The following CFH variants were observed in gnomAD, a reference collection of about 807,000 sequenced individuals.
CFH encodes the protein complement factor H.
Under a neutral mutation model 147.3 loss-of-function variants are expected in CFH, and 53 were observed. That is an observed-to-expected ratio of 0.36 (90% CI 0.29 to 0.45). The LOEUF (loss-of-function observed/expected upper bound fraction) is 0.45, where lower values mean the gene tolerates loss of function less well. CFH is among the 20% of genes least tolerant of loss of function. The probability of loss-of-function intolerance (pLI) is 1.00; values close to 1 mark genes in which losing one functional copy is unlikely to be tolerated. For missense variants in CFH, 1,380 were observed against 1,498.0 expected (o/e 0.92, Z 1.30); for synonymous variants, 536 against 489.4 (o/e 1.10, Z -1.26).
intron 19 of CFH, among the ~76,000 whole-genome samples, chr1:196,742,336 A>G (rs959387915): frequency 5.9e-5 from 9 of 152,220 alleles, no homozygotes; most frequent in Non-Finnish European, 1.3e-4. Context: ...AGATCGTGCC[A>G]CTGCACTCCA....
intron 11 of CFH, among the ~76,000 whole-genome samples, chr1:196,720,787 G>A (rs1668979668): frequency 6.6e-6 from 1 of 151,744 alleles, no homozygotes; most frequent in South Asian, 2.1e-4. Context: ...GTATCATTTT[G>A]ATATGATAAT....
intron 10 of CFH, among the ~76,000 whole-genome samples, chr1:196,714,763 T>C (rs920737493): frequency 1.4e-5 from 2 of 142,608 alleles, no homozygotes; most frequent in Non-Finnish European, 3.0e-5. Context: ...TGCAGTGGCA[T>C]GATCTTGGCT....
At chr1:196,673,666 C>A (rs1478765687) in intron 2 of CFH, among the ~76,000 whole-genome samples, 191 bp from the exon 3 acceptor site, 1 of 152,032 alleles carries the variant, frequency 6.6e-6, no homozygotes, top group Non-Finnish European at 1.5e-5. Context: ...AAGGGGTGGT[C>A]ATCCTCCAAA....
intron 4 of CFH, 85 bp from the exon 5 acceptor site, chr1:196,677,391 C>A: frequency 1.6e-6 from 2 of 1,235,826 alleles, no homozygotes; most frequent in Non-Finnish European, 2.4e-6. Flanking sequence ...CCAATCTTAT[C>A]CTGAGGATGA....
At chr1:196,694,521 G>T (rs879191385) in intron 9 of CFH, among the ~76,000 whole-genome samples, 2 of 152,196 alleles carry the variant, frequency 1.3e-5, no homozygotes, top group East Asian at 3.9e-4. Flanking sequence ...TATATACCCA[G>T]TAATGGGATT....
Position 196,728,214 on chromosome 1 carries a change from G to A in CFH, c.2237-132G>A, listed in dbSNP as rs543703511. 4.5e-5 allele frequency: 29 copies of A among 640,122 alleles called. No homozygotes were observed. In the South Asian group the frequency reaches 6.9e-4, roughly 15 times the overall value. The allele number at this position is 640,122 out of a possible 1,614,324, so 39.7% of individuals were successfully genotyped here. On this transcript the variant is annotated intron_variant, in intron 14 of 21. Coordinates refer to ENST00000367429, the MANE Select transcript of CFH (RefSeq NM_000186.4). ...GATGCAATGTGATCAGGAATAACTT[G>A]GTTGGTGAAATTTATAATGATTAAG...
chr1:196,715,868 T>C, intron 11 of CFH, 99 bp downstream of exon 11: 1 of 992,234 alleles, frequency 1.0e-6, no homozygotes, highest in South Asian at 1.7e-5. Flanking sequence ...TTAAGGAATG[T>C]TGATTAAAAT....
At position 196,742,024 on chromosome 1, in the gene CFH, A is replaced by G; in HGVS notation, c.3106A>G (p.Arg1036Gly). The G allele has an allele frequency of 6.2e-7, 1 of 1,614,196 alleles. No individual in the cohort carries two copies. The highest frequency in any genetic ancestry group is 8.5e-7 in the Non-Finnish European group (1 of 1,180,024). The change falls in exon 19 of 22, where the codon AGA (arginine) becomes GGA (glycine). Residue 1036 changes from arginine (R) to glycine (G), a missense_variant. Arg to Gly is a moderately radical substitution (Grantham distance 125). Transcript: ENST00000367429. ...GASNVTCINS[R>G]WTGRPTCRDT... is the part of the protein sequence containing the mutation. ...CAGTAATGTAACATGCATTAATAGC[A>G]GATGGACAGGAAGGCCAACATGCAG...
rs1415864816 is a variant in CFH, at chr1:196,706,221, T to C, written c.1337-7514T>C. Among the ~76,000 whole-genome samples the C allele has an allele frequency of 3.9e-5, 6 of 152,162 alleles. 1 individual carries two copies. Among genetic ancestry groups the C allele is most frequent in the Admixed American group, 2.6e-4 (4 of 15,276 alleles). ...TACTCTGATTCCAGGTATGTTTTTA[T>C]TGTTGTCCATGCTCATGGGGCCGTT... On this transcript the variant is annotated intron_variant, in intron 9 of 21. Transcript: ENST00000367429.
At chr1:196,713,952 G>T in intron 10 of CFH, 35 bp downstream of exon 10, 10 of 1,573,660 alleles carry the variant, frequency 6.4e-6, no homozygotes, top group Non-Finnish European at 8.7e-6. Flanking sequence ...TGATTATCCA[G>T]ATGATACACA....
At chr1:196,675,143 A>T (rs1345191878) in intron 3 of CFH, among the ~76,000 whole-genome samples, 2 of 152,126 alleles carry the variant, frequency 1.3e-5, no homozygotes, top group Admixed American at 1.3e-4. Context: ...CCTCTCTTTA[A>T]GTTCAGCACT....
intron 5 of CFH, chr1:196,678,103 C>A: frequency 5.5e-6 from 1 of 182,664 alleles, no homozygotes; most frequent in Non-Finnish European, 1.2e-5. Context: ...ATTTTGAAAG[C>A]CAAAGATTCA....
chr1:196,667,170 G>A (rs1163107964), intron 1 of CFH, among the ~76,000 whole-genome samples: 3 of 152,106 alleles, frequency 2.0e-5, no homozygotes, highest in African/African-American at 2.4e-5. Flanking sequence ...ATGCAAAGAG[G>A]CATGCTGGTA....
intron 11 of CFH, among the ~76,000 whole-genome samples, chr1:196,716,413 G>C (rs577865312): frequency 6.6e-5 from 10 of 152,230 alleles, no homozygotes; most frequent in African/African-American, 2.4e-4. Flanking sequence ...CAATTATCCA[G>C]ATCAGCTCAA....
At chr1:196,660,796 G>A (rs1405413312) in intron 1 of CFH, among the ~76,000 whole-genome samples, 1 of 152,140 alleles carries the variant, frequency 6.6e-6, no homozygotes, top group Admixed American at 6.5e-5. Context: ...TGGAAGAGAT[G>A]TATCCTTGTT....
intron 15 of CFH, among the ~76,000 whole-genome samples, chr1:196,736,495 C>T (rs936882577): frequency 6.6e-5 from 10 of 151,822 alleles, no homozygotes; most frequent in Non-Finnish European, 1.0e-4. Flanking sequence ...TCCATTAAAA[C>T]ATTCTAAAGG....
At chr1:196,666,338 C>T (rs1667083825) in intron 1 of CFH, among the ~76,000 whole-genome samples, 1 of 152,074 alleles carries the variant, frequency 6.6e-6, no homozygotes, top group Non-Finnish European at 1.5e-5. Flanking sequence ...TGATTTCCAA[C>T]AGTTTTTTAT....
intron 11 of CFH, among the ~76,000 whole-genome samples, chr1:196,724,665 TATG>T (rs35206437): frequency 0.028 from 4,290 of 152,242 alleles, 205 homozygotes; most frequent in African/African-American, 0.098. Context: ...TTTTTCAAGT[TATG>T]ATCATTTACC....
chr1:196,674,663 T>C (rs545970046), intron 3 of CFH, among the ~76,000 whole-genome samples: 1 of 152,170 alleles, frequency 6.6e-6, no homozygotes, highest in Non-Finnish European at 1.5e-5. Context: ...TGTAACCAAA[T>C]ATTACAAATG....
Sources: gnomAD v4.1 joint callset for allele counts (sites outside exome capture counted in the v4.1 genomes callset) on GRCh38, gnomAD v4.1.1 for gene constraint, MANE v1.5 for transcripts, NCBI Gene and HGNC (gene_info 2026-07-23, HGNC 2026-07-21) for gene names.